The following SNTG1 variants were observed in gnomAD, a reference collection of about 807,000 sequenced individuals.
SNTG1 encodes syntrophin gamma 1, also known as gamma-1-syntrophin.
In SNTG1, 39 loss-of-function variants were observed where a neutral mutation model predicts 74.7. The ratio of observed to expected loss-of-function variants is 0.52; its 90% CI spans 0.40 to 0.68. The LOEUF (loss-of-function observed/expected upper bound fraction) is 0.68. SNTG1 is among the 30% of genes least tolerant of loss of function. SNTG1 has a pLI of 0.00. For synonymous variants in SNTG1, 254 were observed against 217.1 expected (o/e 1.17, Z -1.49); for missense variants, 685 against 609.5 (o/e 1.12, Z -1.30).
At chr8:49,935,875 G>A (rs1414547557) in intron 1 of SNTG1, among the ~76,000 whole-genome samples, 1 of 152,100 alleles carries the variant, frequency 6.6e-6, no homozygotes. Flanking sequence ...CTTCCCTATT[G>A]GACTATGAGG....
At chr8:49,950,027 T>C (rs1278769502) in intron 1 of SNTG1, among the ~76,000 whole-genome samples, 1 of 152,154 alleles carries the variant, frequency 6.6e-6, no homozygotes, top group Non-Finnish European at 1.5e-5. Context: ...CTTGGGATGC[T>C]GAAGCAGGAG....
chr8:50,038,410 G>T (rs1404231726), intron 1 of SNTG1, among the ~76,000 whole-genome samples: 1 of 152,128 alleles, frequency 6.6e-6, no homozygotes, highest in Non-Finnish European at 1.5e-5. Flanking sequence ...TTATGACTGA[G>T]TGTCGTCACA....
intron 4 of SNTG1, among the ~76,000 whole-genome samples, chr8:50,430,265 TAGAA>T (rs974114745): frequency 3.3e-5 from 5 of 152,172 alleles, no homozygotes; most frequent in Admixed American, 6.6e-5. Flanking sequence ...AATATATTCT[TAGAA>T]AGATAAAAAC....
intron 8 of SNTG1, among the ~76,000 whole-genome samples, chr8:50,493,155 A>G (rs2093873580): frequency 6.6e-6 from 1 of 152,230 alleles, no homozygotes. Context: ...ATACGGAAAT[A>G]CAAACGGGGA....
chr8:50,672,034 G>A (rs965708364), intron 15 of SNTG1, among the ~76,000 whole-genome samples: 10 of 129,334 alleles, frequency 7.7e-5, no homozygotes, highest in Non-Finnish European at 1.4e-4. Context: ...TCACACTCTG[G>A]GGACTGTTGT....
chr8:50,680,321 C>T (rs1300836586), intron 15 of SNTG1, among the ~76,000 whole-genome samples: 1 of 152,134 alleles, frequency 6.6e-6, no homozygotes, highest in Non-Finnish European at 1.5e-5. Flanking sequence ...TGTCCACATT[C>T]TCACACTGAA....
At chr8:50,186,240 C>G (rs1300103008) in intron 2 of SNTG1, among the ~76,000 whole-genome samples, 1 of 152,030 alleles carries the variant, frequency 6.6e-6, no homozygotes, top group African/African-American at 2.4e-5. Context: ...TTTCTTTATT[C>G]AATATATCAT....
intron 12 of SNTG1, among the ~76,000 whole-genome samples, chr8:50,576,560 G>A (rs1042701195): frequency 2.0e-5 from 3 of 152,004 alleles, no homozygotes; most frequent in African/African-American, 7.2e-5. Context: ...GAGTAGTGTT[G>A]CTGTCTTAAT....
At chr8:50,231,156 G>A (rs577346711) in intron 2 of SNTG1, among the ~76,000 whole-genome samples, 25 of 151,432 alleles carry the variant, frequency 1.7e-4, no homozygotes, top group African/African-American at 5.8e-4. Context: ...AACCACTGGG[G>A]AGATGCAAAC....
chr8:50,599,504 CTT>C (rs1047457162), intron 13 of SNTG1, among the ~76,000 whole-genome samples: 5 of 151,920 alleles, frequency 3.3e-5, no homozygotes, highest in Admixed American at 3.3e-4. Flanking sequence ...TATAAAATGT[CTT>C]TCTTTTTTTG....
chr8:50,197,622 C>T (rs1300301149), intron 2 of SNTG1, among the ~76,000 whole-genome samples: 1 of 152,148 alleles, frequency 6.6e-6, no homozygotes, highest in Non-Finnish European at 1.5e-5. Flanking sequence ...AAGATTTTCA[C>T]ATGCTTAAAT....
At chr8:50,392,514 A>G (rs1230051409) in intron 2 of SNTG1, among the ~76,000 whole-genome samples, 1 of 152,218 alleles carries the variant, frequency 6.6e-6, no homozygotes, top group Non-Finnish European at 1.5e-5. Context: ...GAAAAGTCAA[A>G]TAATCATCTT....
chr8:50,552,786 GT>G (rs2094434551), intron 11 of SNTG1, among the ~76,000 whole-genome samples: 1 of 152,096 alleles, frequency 6.6e-6, no homozygotes, highest in Admixed American at 6.6e-5. Flanking sequence ...TTATCTACAT[GT>G]TGTATGTTTT....
intron 12 of SNTG1, among the ~76,000 whole-genome samples, chr8:50,586,753 A>G (rs536892598): frequency 6.6e-6 from 1 of 152,272 alleles, no homozygotes; most frequent in African/African-American, 2.4e-5. Context: ...AGAGAGAGGA[A>G]AAATAAAACA....
At position 50,523,246 on chromosome 8, in the gene SNTG1, A is replaced by T. The variant is rs538274157; in HGVS notation, c.467-6931A>T. 3.9e-5 allele frequency among the ~76,000 whole-genome samples: 6 copies of T among 152,206 alleles called. No individual in the cohort carries two copies. The East Asian group carries it at 1.2e-3, about 29-fold the overall frequency. ...TCCAGGCCACTAAAACTTTCTCCTT[A>T]TCAGTAAGAAGATTGTTTTGCTTCA... On this transcript the variant is annotated intron_variant, in intron 9 of 18. Transcript: ENST00000642720.
intron 2 of SNTG1, among the ~76,000 whole-genome samples, chr8:50,194,181 C>T (rs559120174): frequency 8.5e-5 from 13 of 152,164 alleles, no homozygotes; most frequent in African/African-American, 2.9e-4. Context: ...ATGCTGGCTC[C>T]ATAAATTGAA....
intron 1 of SNTG1, among the ~76,000 whole-genome samples, chr8:49,998,788 G>A (rs1170111490): frequency 6.6e-6 from 1 of 151,630 alleles, no homozygotes; most frequent in Non-Finnish European, 1.5e-5. Flanking sequence ...ACCTAACTGG[G>A]GCCATTTTTT....
intron 1 of SNTG1, among the ~76,000 whole-genome samples, chr8:49,965,542 C>G (rs940758924): frequency 6.6e-6 from 1 of 152,122 alleles, no homozygotes; most frequent in African/African-American, 2.4e-5. Flanking sequence ...GAATCCTGCT[C>G]TGGACACCAG....
intron 2 of SNTG1, among the ~76,000 whole-genome samples, chr8:50,186,213 G>T (rs1242249613): frequency 6.6e-6 from 1 of 152,082 alleles, no homozygotes; most frequent in Non-Finnish European, 1.5e-5. Flanking sequence ...GTATTCCATG[G>T]TGTATATGTG....
Sources: allele counts gnomAD v4.1 joint callset (sites outside exome capture counted in the v4.1 genomes callset), GRCh38; gene constraint gnomAD v4.1.1; transcripts MANE v1.5; gene names NCBI Gene and HGNC (gene_info 2026-07-23, HGNC 2026-07-21).